MBNL2: variants seen among roughly 807,000 people sequenced by gnomAD.
MBNL2 encodes the protein muscleblind like splicing regulator 2, also known as muscleblind-like protein 2.
Under a neutral mutation model 41.9 loss-of-function variants are expected in MBNL2, and 17 were observed. The observed-to-expected ratio is 0.41, with a 90% CI of 0.28 to 0.61. The LOEUF is 0.61. MBNL2 is among the 20% of genes least tolerant of loss of function. The pLI is 0.35. For missense variants in MBNL2, 336 were observed against 505.6 expected (o/e 0.66, Z 3.22); for synonymous variants, 195 against 182.9 (o/e 1.07, Z -0.53).
chr13:97,182,859 G>C, the MBNL2 span, among the ~76,000 whole-genome samples: 1 of 152,150 alleles, frequency 6.6e-6, no homozygotes, highest in African/African-American at 2.4e-5. Flanking sequence ...TGTGTATTTA[G>C]TCTTAGCAAG....
At chr13:97,218,285 C>T (rs915338219), upstream of MBNL2, among the ~76,000 whole-genome samples, 4 of 152,054 alleles carry the variant, frequency 2.6e-5, no homozygotes, top group African/African-American at 7.2e-5. Context: ...TGGCGGGTGC[C>T]TGTAGTCCCA....
chr13:97,190,285 C>A, the MBNL2 span, among the ~76,000 whole-genome samples: 1 of 152,194 alleles, frequency 6.6e-6, no homozygotes, highest in Non-Finnish European at 1.5e-5. Flanking sequence ...GCACTAGCAG[C>A]GATCCCTAGC....
In MBNL2 at chr13:97,268,419, C is replaced by T. The variant is rs938535116; in HGVS notation, c.-604-7213C>T. 6.6e-6 allele frequency among the ~76,000 whole-genome samples: 1 copy of T among 152,100 alleles called. No homozygotes were observed. The highest frequency in any genetic ancestry group is 1.5e-5 in the Non-Finnish European group (1 of 68,010). ...CCGGGCCGAGAGTGTGCATTCCTAA[C>T]AAGATCCCAGCGGATGCTGCTGCTG... On this transcript the variant is annotated intron_variant, in intron 1 of 8. Coordinates refer to ENST00000679496, the MANE Select transcript of MBNL2 (RefSeq NM_001382683.1). This position sits in a 1 kb window ranked among gnomAD's most constrained non-coding sequence, Gnocchi z 4.6.
chr13:97,201,284 ATTTCTT>A, the MBNL2 span, among the ~76,000 whole-genome samples: 1 of 152,294 alleles, frequency 6.6e-6, no homozygotes, highest in South Asian at 2.1e-4. Flanking sequence ...GTTTCCAATT[ATTTCTT>A]TTTCTTTTTC....
At chr13:97,345,389 T>C (rs1191555542) in intron 4 of MBNL2, among the ~76,000 whole-genome samples, 3 of 152,232 alleles carry the variant, frequency 2.0e-5, no homozygotes, top group Admixed American at 6.5e-5. Context: ...TTTTATGTTA[T>C]CTATATGCAG....
chr13:97,278,902 C>T (rs1024872906), intron 2 of MBNL2, among the ~76,000 whole-genome samples: 6 of 152,184 alleles, frequency 3.9e-5, no homozygotes, highest in African/African-American at 1.4e-4. Context: ...AATACCTGCT[C>T]AACCACTTCC....
chr13:97,329,406 C>T (rs1216885766), intron 2 of MBNL2, among the ~76,000 whole-genome samples: 1 of 152,060 alleles, frequency 6.6e-6, no homozygotes, highest in African/African-American at 2.4e-5. Context: ...TTGTTATTCT[C>T]CTGCTTAAAA....
chr13:97,291,272 C>T (rs1244068835), intron 2 of MBNL2, among the ~76,000 whole-genome samples: 2 of 152,002 alleles, frequency 1.3e-5, no homozygotes, highest in African/African-American at 4.8e-5. Flanking sequence ...GACAGAGTCT[C>T]ACTCTGTTGC....
chr13:97,221,112 AAAAG>A (rs1330431200), upstream of MBNL2, among the ~76,000 whole-genome samples: 8 of 152,202 alleles, frequency 5.3e-5, no homozygotes, highest in Non-Finnish European at 1.2e-4. Context: ...TGGCAAAATA[AAAAG>A]AAAGCATTCC....
chr13:97,320,661 C>T lies in MBNL2; in HGVS notation c.175-13615C>T, dbSNP rs930740280. Among the ~76,000 whole-genome samples, 3 of 152,172 alleles carry T rather than the reference C, an allele frequency of 2.0e-5. No homozygotes were observed. In the East Asian group the frequency reaches 5.9e-4, roughly 30 times the overall value. ...ACGCAGGGTGGCTCATGCCTATAAT[C>T]CCAGCACTTTGGGAGGCCGAGGTGG... On this transcript the variant is annotated intron_variant, in intron 2 of 8. Coordinates refer to ENST00000679496, the MANE Select transcript of MBNL2 (RefSeq NM_001382683.1).
At chr13:97,150,845 C>T in the MBNL2 span, among the ~76,000 whole-genome samples, 5 of 152,172 alleles carry the variant, frequency 3.3e-5, no homozygotes, top group Non-Finnish European at 7.3e-5. Flanking sequence ...GACAGGTAAC[C>T]TTGACTGTGG....
chr13:97,339,372 G>A (rs2061234526), intron 3 of MBNL2, among the ~76,000 whole-genome samples: 1 of 152,046 alleles, frequency 6.6e-6, no homozygotes. Flanking sequence ...ACACGGGAAG[G>A]TGGAGTAGAG....
At chr13:97,273,784 G>A (rs1224353118) in intron 1 of MBNL2, among the ~76,000 whole-genome samples, 3 of 152,196 alleles carry the variant, frequency 2.0e-5, no homozygotes, top group Non-Finnish European at 4.4e-5. Context: ...TTGCAGGCCG[G>A]ACGCGGTGGC....
intron 1 of MBNL2, among the ~76,000 whole-genome samples, chr13:97,223,856 G>T (rs147865991): frequency 1.4e-4 from 22 of 152,318 alleles, no homozygotes; most frequent in Non-Finnish European, 2.9e-4. Flanking sequence ...CAGGACACTA[G>T]CCCAGAACTT....
the MBNL2 span, among the ~76,000 whole-genome samples, chr13:97,176,957 G>GA: frequency 6.6e-6 from 1 of 151,758 alleles, no homozygotes; most frequent in Non-Finnish European, 1.5e-5. Context: ...TTGAAGGGCA[G>GA]AAAAAAAATA....
At chr13:97,218,827 C>A (rs1228067856), upstream of MBNL2, among the ~76,000 whole-genome samples, 1 of 150,752 alleles carries the variant, frequency 6.6e-6, no homozygotes, top group East Asian at 1.9e-4. Flanking sequence ...GACATTGTAC[C>A]CATCAATTAA....
chr13:97,358,595 C>T (rs573205718), intron 7 of MBNL2, among the ~76,000 whole-genome samples: 9 of 152,320 alleles, frequency 5.9e-5, no homozygotes, highest in South Asian at 2.1e-4. Flanking sequence ...GACACACACA[C>T]GCACACCATA....
chr13:97,319,939 TGTTATA>T (rs908225363), intron 2 of MBNL2, among the ~76,000 whole-genome samples: 3 of 152,184 alleles, frequency 2.0e-5, no homozygotes, highest in Admixed American at 1.3e-4. Flanking sequence ...ATTTGGGGGT[TGTTATA>T]GTTTATTTTT....
chr13:97,157,355 C>A, the MBNL2 span, among the ~76,000 whole-genome samples: 1 of 149,350 alleles, frequency 6.7e-6, no homozygotes, highest in Non-Finnish European at 1.5e-5. Context: ...GACAAATTGA[C>A]TTCCTCTTTT....
Sources: allele counts gnomAD v4.1 joint callset (sites outside exome capture counted in the v4.1 genomes callset), GRCh38; gene constraint gnomAD v4.1.1; non-coding constraint Gnocchi (gnomAD v3.1); transcripts MANE v1.5; gene names NCBI Gene and HGNC (gene_info 2026-07-23, HGNC 2026-07-21).